Variants in CAMTA1 observed in about 807,000 individuals in gnomAD.
CAMTA1 encodes calmodulin binding transcription activator 1.
A neutral mutation model predicts 170.9 loss-of-function variants in CAMTA1; 27 were observed. The ratio of observed to expected loss-of-function variants is 0.16; its 90% confidence interval spans 0.12 to 0.22. The LOEUF (loss-of-function observed/expected upper bound fraction) is 0.22. Among genes scored for constraint, CAMTA1 ranks in the 10% least tolerant of loss-of-function variants. The pLI is 1.00. For synonymous variants in CAMTA1, 833 were observed against 891.5 expected (o/e 0.93, Z 1.17); for missense variants, 1,619 against 2,217.2 (o/e 0.73, Z 5.42).
At chr1:7,353,006 T>C (rs1309660908) in intron 5 of CAMTA1, among the ~76,000 whole-genome samples, 3 of 152,182 alleles carry the variant, frequency 2.0e-5, no homozygotes, top group African/African-American at 7.2e-5. Flanking sequence ...AGGCTCTGCA[T>C]GAGACACTCA....
At chr1:7,258,172 C>A (rs569857378) in intron 5 of CAMTA1, among the ~76,000 whole-genome samples, 6 of 152,258 alleles carry the variant, frequency 3.9e-5, no homozygotes, top group African/African-American at 1.4e-4. Context: ...GGGGGAGAAG[C>A]TTGTTAGTAA....
intron 5 of CAMTA1, among the ~76,000 whole-genome samples, chr1:7,313,475 G>A (rs964694942): frequency 7.9e-5 from 12 of 152,216 alleles, no homozygotes; most frequent in Admixed American, 2.6e-4. Context: ...AGACGTCCTC[G>A]TTAGGGATCT....
chr1:7,192,824 A>G (rs1450807923), intron 4 of CAMTA1, among the ~76,000 whole-genome samples: 4 of 152,198 alleles, frequency 2.6e-5, no homozygotes, highest in Non-Finnish European at 4.4e-5. Flanking sequence ...GAGTGAATGC[A>G]GCGTCACCGG....
rs1222077772 is a variant in CAMTA1, at chr1:7,144,519, A to G, written c.302+53148A>G. Among the ~76,000 whole-genome samples the G allele has an allele frequency of 6.6e-6, 1 of 152,164 alleles. No individual in the cohort carries two copies. Among genetic ancestry groups the G allele is most frequent in the Non-Finnish European group, 1.5e-5 (1 of 68,030 alleles). On this transcript the variant is annotated intron_variant, in intron 4 of 22. Coordinates refer to ENST00000303635, the MANE Select transcript of CAMTA1 (RefSeq NM_015215.4). The surrounding 1 kb of genome is among the most constrained non-coding windows in gnomAD (Gnocchi z 4.0). The stretch of plus-strand genomic sequence containing the variant: ...CCTCATGCTATCAGGACCGATATAT[A>G]TAACACTAGGCAGGATTAGAAGATT...
chr1:7,412,897 T>A, intron 5 of CAMTA1, among the ~76,000 whole-genome samples: 1 of 152,232 alleles, frequency 6.6e-6, no homozygotes, highest in Non-Finnish European at 1.5e-5. Context: ...AGGTCTAACA[T>A]GTAAGTCTTT....
rs1316460548 is a variant in CAMTA1, at chr1:7,540,952, G to A, written c.510+73051G>A. ...GTCATTGGTCTTTAGCTAATGGCAC[G>A]TCCCAGCAAGTTGCTTACAACCTGC... On this transcript the variant is annotated intron_variant, in intron 6 of 22. Coordinates refer to ENST00000303635, the MANE Select transcript of CAMTA1 (RefSeq NM_015215.4). 3.3e-5 allele frequency among the ~76,000 whole-genome samples: 5 copies of A among 152,310 alleles called. No homozygotes were observed. The South Asian group carries it at 8.3e-4, about 25-fold the overall frequency.
rs138650845 is a variant in CAMTA1, at chr1:7,059,866, A to C, written c.235-31438A>C. Among the ~76,000 whole-genome samples the C allele has an allele frequency of 1.5e-4, 23 of 152,316 alleles. 1 individual carries two copies. Among genetic ancestry groups the C allele is most frequent in the African/African-American group, 5.5e-4 (23 of 41,556 alleles). ...AAAGATATAATAGGATCTAAATCTC[A>C]CAAAATGCTGAGAATCAGATGCTGT... On this transcript the variant is annotated intron_variant, in intron 3 of 22. Coordinates refer to ENST00000303635, the MANE Select transcript of CAMTA1 (RefSeq NM_015215.4).
chr1:7,261,815 G>A (rs189974235), intron 5 of CAMTA1, among the ~76,000 whole-genome samples: 16 of 152,334 alleles, frequency 1.1e-4, no homozygotes, highest in African/African-American at 3.1e-4. Context: ...AGGTGTTGGC[G>A]TTGTCTGATA....
At position 7,106,741 on chromosome 1, in the gene CAMTA1, G is replaced by A. The variant is rs976688310; in HGVS notation, c.302+15370G>A. ...CTCTGAGGAAGTTGATCCTACGGTA[G>A]GCCTTCATTTCAGAGGAGAGCATTT... On this transcript the variant is annotated intron_variant, in intron 4 of 22. Transcript: ENST00000303635. 2.0e-5 allele frequency among the ~76,000 whole-genome samples: 3 copies of A among 152,002 alleles called. No homozygotes were observed. In the East Asian group the frequency reaches 5.8e-4, roughly 29 times the overall value.
intron 3 of CAMTA1, among the ~76,000 whole-genome samples, chr1:6,995,814 C>G (rs914209493): frequency 6.6e-6 from 1 of 152,112 alleles, no homozygotes; most frequent in African/African-American, 2.4e-5. Flanking sequence ...TGGATCAGAG[C>G]CTTTGCTGTG....
chr1:6,842,356 C>G (rs1243000067), intron 3 of CAMTA1, among the ~76,000 whole-genome samples: 1 of 152,204 alleles, frequency 6.6e-6, no homozygotes, highest in African/African-American at 2.4e-5. Flanking sequence ...CCTCCTGCTC[C>G]TAGTCCAGTC....
intron 3 of CAMTA1, among the ~76,000 whole-genome samples, chr1:6,930,965 C>CTTTTTGAAATT (rs1684305404): frequency 6.6e-6 from 1 of 152,202 alleles, no homozygotes; most frequent in African/African-American, 2.4e-5. Context: ...ACATCTGGGC[C>CTTTTTGAAATT]CTAGCTTTTG....
At chr1:7,564,645 T>A (rs2095013425) in intron 6 of CAMTA1, among the ~76,000 whole-genome samples, 1 of 151,998 alleles carries the variant, frequency 6.6e-6, no homozygotes, top group Non-Finnish European at 1.5e-5. Flanking sequence ...GGCGTGTGTG[T>A]GTGTGTGCGT....
intron 5 of CAMTA1, among the ~76,000 whole-genome samples, chr1:7,358,856 C>T (rs149093210): frequency 9.8e-4 from 149 of 152,198 alleles, no homozygotes; most frequent in African/African-American, 3.3e-3. Context: ...AGGGTGGCCC[C>T]GGCTTTGTCT....
chr1:7,479,337 G>A (rs914672859), intron 6 of CAMTA1, among the ~76,000 whole-genome samples: 5 of 152,132 alleles, frequency 3.3e-5, no homozygotes, highest in Admixed American at 2.6e-4. Context: ...GCGTCACTGC[G>A]CCACAAGCCT....
At position 7,732,433 on chromosome 1, in the gene CAMTA1, C is replaced by T. The variant is rs770584323; in HGVS notation, c.2915-15C>T. 2.5e-6 allele frequency: 4 copies of T among 1,611,486 alleles called. No individual in the cohort carries two copies. Among genetic ancestry groups the T allele is most frequent in the East Asian group, 2.2e-5 (1 of 44,852 alleles). On this transcript the variant is annotated splice_polypyrimidine_tract_variant and intron_variant, in intron 11 of 22. Coordinates refer to ENST00000303635, the MANE Select transcript of CAMTA1 (RefSeq NM_015215.4). The surrounding 1 kb of genome is among the most constrained non-coding windows in gnomAD (Gnocchi z 4.1). ...TCCAGAACACAACCTCACTCTTCCT[C>T]CTGCTCTGCCCTAGATAACCAGTTC...
intron 5 of CAMTA1, among the ~76,000 whole-genome samples, chr1:7,392,403 G>C (rs886521183): frequency 1.3e-5 from 2 of 151,790 alleles, no homozygotes; most frequent in Non-Finnish European, 2.9e-5. Flanking sequence ...TTACAGGCAT[G>C]TGCCACCACA....
chr1:7,734,170 C>G (rs1048339208), intron 12 of CAMTA1, among the ~76,000 whole-genome samples: 4 of 152,186 alleles, frequency 2.6e-5, no homozygotes, highest in Non-Finnish European at 5.9e-5. Flanking sequence ...TGGTCTCGAA[C>G]TCCCAACCTC....
intron 3 of CAMTA1, among the ~76,000 whole-genome samples, chr1:6,975,069 C>T (rs1014731945): frequency 3.3e-5 from 5 of 152,156 alleles, no homozygotes; most frequent in African/African-American, 1.2e-4. Flanking sequence ...GTGAAGGAGG[C>T]GCCATCTCTG....
Sources: gnomAD v4.1 joint callset for allele counts (sites outside exome capture counted in the v4.1 genomes callset) on GRCh38, gnomAD v4.1.1 for gene constraint, Gnocchi (gnomAD v3.1) non-coding constraint, MANE v1.5 for transcripts, NCBI Gene and HGNC (gene_info 2026-07-23, HGNC 2026-07-21) for gene names.